EFCAB13: variants seen among roughly 807,000 people sequenced by gnomAD.
The protein encoded by EFCAB13 is EF-hand calcium-binding domain-containing protein 13.
Under a neutral mutation model 110.2 loss-of-function variants are expected in EFCAB13, and 91 were observed. The observed-to-expected ratio is 0.83, with a 90% CI of 0.70 to 0.98. The LOEUF is 0.98. EFCAB13 is among the 50% of genes least tolerant of loss of function. EFCAB13 has a pLI of 0.00. For synonymous variants in EFCAB13, 323 were observed against 369.9 expected (o/e 0.87, Z 1.45); for missense variants, 968 against 1,119.4 (o/e 0.86, Z 1.93).
chr17:47,330,087 C>T (rs554108406), intron 4 of EFCAB13, among the ~76,000 whole-genome samples: 33 of 152,098 alleles, frequency 2.2e-4, no homozygotes, highest in Middle Eastern at 3.4e-3. Flanking sequence ...CACCTTTGAT[C>T]GACTGGATGC....
At chr17:47,339,678 C>T (rs1278358676) in intron 5 of EFCAB13, among the ~76,000 whole-genome samples, 1 of 124,568 alleles carries the variant, frequency 8.0e-6, no homozygotes, top group Non-Finnish European at 1.6e-5. Flanking sequence ...TTAGCCTGGG[C>T]AACAGAGTGA....
intron 14 of EFCAB13, among the ~76,000 whole-genome samples, chr17:47,380,237 T>G (rs2143379568): frequency 1.3e-5 from 2 of 151,784 alleles, no homozygotes; most frequent in Middle Eastern, 3.4e-3. Flanking sequence ...ACTAGCCCCC[T>G]ACCCCCTGAC....
At chr17:47,432,731 T>C (rs543610861) in intron 24 of EFCAB13, among the ~76,000 whole-genome samples, 1 of 152,332 alleles carries the variant, frequency 6.6e-6, no homozygotes, top group East Asian at 1.9e-4. Flanking sequence ...GGATAACATA[T>C]CTTTTTTGTC....
chr17:47,420,793 G>A (rs535138171), intron 23 of EFCAB13, among the ~76,000 whole-genome samples: 1,921 of 152,248 alleles, frequency 0.013, 19 homozygotes, highest in South Asian at 0.053. Context: ...CCGCCTGGCA[G>A]CCACCCCATC....
Position 47,347,934 on chromosome 17 carries a change from A to C in EFCAB13, c.644A>C (p.Lys215Thr). The C allele has an allele frequency of 6.6e-7, 1 of 1,517,964 alleles. No individual in the cohort carries two copies. The highest frequency in any genetic ancestry group is 2.3e-5 in the East Asian group (1 of 43,198). 94.0% of individuals were successfully genotyped at this position (1,517,964 alleles called of 1,614,324 possible). The stretch of plus-strand genomic sequence containing the variant: ...GATTTAGAAATGCGACAGGCACTAA[A>C]GACTGTTGATATTGATGGTAAGTTT... ...ISDLEMRQALKTVDIDAFQDA... is the reference protein window; with the variant it reads ...ISDLEMRQALTTVDIDAFQDA... The change falls in exon 9 of 25, where the codon AAG becomes ACG. Residue 215 changes from lysine (K) to threonine (T), a missense_variant. Coordinates refer to ENST00000331493, the MANE Select transcript of EFCAB13 (RefSeq NM_152347.5).
chr17:47,408,444 A>T (rs923413086), intron 20 of EFCAB13, among the ~76,000 whole-genome samples: 1 of 152,138 alleles, frequency 6.6e-6, no homozygotes, highest in Non-Finnish European at 1.5e-5. Context: ...TGAGGTCAGG[A>T]GTTTGAGAGC....
At chr17:47,330,508 G>T (rs950488668) in intron 4 of EFCAB13, among the ~76,000 whole-genome samples, 2 of 151,784 alleles carry the variant, frequency 1.3e-5, no homozygotes, top group South Asian at 2.1e-4. Flanking sequence ...TGCCTTTTTG[G>T]ATCCATAGCT....
chr17:47,366,800 T>C (rs72825663), intron 10 of EFCAB13, among the ~76,000 whole-genome samples: 7,590 of 152,252 alleles, frequency 0.05, 250 homozygotes, highest in East Asian at 0.11. Context: ...TATTATTGCA[T>C]AGATGCAAGG....
intron 21 of EFCAB13, among the ~76,000 whole-genome samples, chr17:47,411,524 T>C (rs937620830): frequency 2.0e-5 from 3 of 152,230 alleles, no homozygotes; most frequent in Middle Eastern, 3.2e-3. Flanking sequence ...TATTATAATT[T>C]TGTTTATAGA....
chr17:47,424,137 C>G (rs1904837983), intron 23 of EFCAB13, among the ~76,000 whole-genome samples: 1 of 152,190 alleles, frequency 6.6e-6, no homozygotes, highest in Non-Finnish European at 1.5e-5. Context: ...GGACGAGGCC[C>G]ACGGGCTGCT....
chr17:47,359,193 G>C (rs1456492080), intron 9 of EFCAB13, among the ~76,000 whole-genome samples: 4 of 152,128 alleles, frequency 2.6e-5, no homozygotes, highest in Admixed American at 1.3e-4. Context: ...AATTAGCGGG[G>C]CATAGTGGTA....
chr17:47,390,784 G>A (rs2065702165), intron 14 of EFCAB13, among the ~76,000 whole-genome samples: 1 of 152,100 alleles, frequency 6.6e-6, no homozygotes, highest in Admixed American at 6.5e-5. Context: ...GAATTAAATG[G>A]AGAAATTATA....
chr17:47,360,050 G>A (rs189477751), intron 9 of EFCAB13, among the ~76,000 whole-genome samples: 12,951 of 151,284 alleles, frequency 0.086, 810 homozygotes, highest in East Asian at 0.34. Context: ...GTTGGTTCCA[G>A]GTCTTTGCTA....
chr17:47,361,279 T>A, intron 9 of EFCAB13, 99 bp from the exon 10 acceptor site: 1 of 1,092,434 alleles, frequency 9.2e-7, no homozygotes, highest in Non-Finnish European at 1.3e-6. Context: ...CCTGTGCTTA[T>A]ACAAAGTTAT....
At chr17:47,371,300 T>G (rs1421137828) in intron 11 of EFCAB13, among the ~76,000 whole-genome samples, 1 of 152,046 alleles carries the variant, frequency 6.6e-6, no homozygotes, top group Non-Finnish European at 1.5e-5. Flanking sequence ...AATCTTTGCC[T>G]AGACCAATGT....
intron 20 of EFCAB13, among the ~76,000 whole-genome samples, chr17:47,407,108 G>A (rs2065808922): frequency 6.6e-6 from 1 of 152,100 alleles, no homozygotes; most frequent in African/African-American, 2.4e-5. Flanking sequence ...ATGCAGGGAA[G>A]GAAAGAGAAA....
chr17:47,367,374 C>T (rs2065553124), intron 10 of EFCAB13, among the ~76,000 whole-genome samples: 2 of 152,188 alleles, frequency 1.3e-5, no homozygotes, highest in Non-Finnish European at 1.5e-5. Context: ...TACATATTTG[C>T]TTCTCGTGGC....
intron 8 of EFCAB13, among the ~76,000 whole-genome samples, chr17:47,346,433 A>AACC (rs2065416316): frequency 1.1e-5 from 1 of 94,362 alleles, no homozygotes; most frequent in Non-Finnish European, 2.0e-5. Context: ...AACGTACTTT[A>AACC]CCCCCCCCCC....
In EFCAB13 at chr17:47,389,596, T is replaced by A. The variant is rs560788907; in HGVS notation, c.1583-1841T>A. ...ATTTCATCTTTTTTTTTTTTTTTTTTACCCTATCCCTCTCTGACAGATTAT... is the reference window on the plus strand; with the variant it reads ...ATTTCATCTTTTTTTTTTTTTTTTTAACCCTATCCCTCTCTGACAGATTAT... On this transcript the variant is annotated intron_variant, in intron 14 of 24. Transcript: ENST00000331493. 5.3e-3 allele frequency among the ~76,000 whole-genome samples: 806 copies of A among 151,146 alleles called. 11 individuals are homozygous for A. Among genetic ancestry groups the A allele is most frequent in the African/African-American group, 0.018 (744 of 41,174 alleles).
Sources: allele counts gnomAD v4.1 joint callset (sites outside exome capture counted in the v4.1 genomes callset), GRCh38; gene constraint gnomAD v4.1.1; transcripts MANE v1.5; gene names NCBI Gene and HGNC (gene_info 2026-07-23, HGNC 2026-07-21).